Variants in GLI3 observed in about 807,000 individuals in gnomAD.
GLI3 encodes transcription activator GLI3.
In GLI3, 20 loss-of-function variants were observed where a neutral mutation model predicts 100.8. The observed-to-expected ratio is 0.20, with a 90% CI of 0.14 to 0.29. GLI3 has a LOEUF of 0.29. Among genes scored for constraint, GLI3 ranks in the 10% least tolerant of loss-of-function variants. The pLI is 1.00. For missense variants in GLI3, 2,040 were observed against 2,128.5 expected, an observed-to-expected ratio of 0.96 and a Z score of 0.82; for synonymous variants, 938 against 860.5, an observed-to-expected ratio of 1.09 and a Z score of -1.58.
At position 41,966,099 on chromosome 7, in the gene GLI3, G is replaced by A; in HGVS notation, c.2974C>T (p.Leu992=). Reference sequence around the variant, plus strand: ...TGGCCCGGCGCATCGTGCGGCTGCAGGTGGCGCCGCCCGTAGCCGTGGGCT... The same window carrying A: ...TGGCCCGGCGCATCGTGCGGCTGCAAGTGGCGCCGCCCGTAGCCGTGGGCT... ...GGAHGYGRRH[L]QPHDAPGHGV... The change falls in exon 15 of 15, where the codon CTG becomes TTG. Residue 992 remains leucine, a synonymous_variant. Coordinates refer to ENST00000395925, the MANE Select transcript of GLI3 (RefSeq NM_000168.6). This position sits in a 1 kb window ranked among gnomAD's most constrained non-coding sequence, Gnocchi z 5.8. The A allele has an allele frequency of 6.4e-7, 1 of 1,572,138 alleles. No individual in the cohort carries two copies. The highest frequency in any genetic ancestry group is 8.6e-7 in the Non-Finnish European group (1 of 1,164,978).
At chr7:42,055,218 A>C (rs993182566) in intron 4 of GLI3, among the ~76,000 whole-genome samples, 2 of 152,114 alleles carry the variant, frequency 1.3e-5, no homozygotes, top group East Asian at 3.9e-4. Flanking sequence ...ATAAATCTGC[A>C]CAATCCTATA....
intron 2 of GLI3, among the ~76,000 whole-genome samples, chr7:42,183,747 C>T (rs537988737): frequency 2.6e-5 from 4 of 152,272 alleles, no homozygotes; most frequent in African/African-American, 9.6e-5. Flanking sequence ...TTCCTCTCTC[C>T]ACAACATAGG....
chr7:42,091,705 C>T (rs886970232), intron 3 of GLI3, among the ~76,000 whole-genome samples: 1 of 152,210 alleles, frequency 6.6e-6, no homozygotes, highest in Admixed American at 6.5e-5. Context: ...CCCAGGCCAG[C>T]CAGGACTAGC....
At chr7:42,251,055 G>T (rs970653213) in intron 1 of GLI3, among the ~76,000 whole-genome samples, 1 of 152,134 alleles carries the variant, frequency 6.6e-6, no homozygotes, top group Non-Finnish European at 1.5e-5. Context: ...TTCCCAGAAA[G>T]CTTATGCTAA....
At chr7:42,101,423 A>C (rs1328701983) in intron 3 of GLI3, among the ~76,000 whole-genome samples, 2 of 152,102 alleles carry the variant, frequency 1.3e-5, no homozygotes, top group Non-Finnish European at 2.9e-5. Context: ...CAACACGTCA[A>C]GACCTGGTCT....
intron 2 of GLI3, among the ~76,000 whole-genome samples, chr7:42,180,671 C>T (rs942437930): frequency 3.5e-4 from 53 of 152,314 alleles, no homozygotes; most frequent in Non-Finnish European, 4.6e-4. Context: ...GGCACAGACC[C>T]TGGCAGATGA....
At chr7:42,051,695 C>A (rs1784355983) in intron 4 of GLI3, among the ~76,000 whole-genome samples, 1 of 152,070 alleles carries the variant, frequency 6.6e-6, no homozygotes, top group African/African-American at 2.4e-5. Context: ...TTGTTTAGAG[C>A]AATTTAAATT....
intron 4 of GLI3, among the ~76,000 whole-genome samples, chr7:42,055,206 T>C (rs1784435066): frequency 6.6e-6 from 1 of 151,836 alleles, no homozygotes; most frequent in Non-Finnish European, 1.5e-5. Context: ...GTAGACACTG[T>C]CATAAATCTG....
intron 2 of GLI3, among the ~76,000 whole-genome samples, chr7:42,187,043 C>A (rs1276048429): frequency 6.8e-5 from 10 of 146,882 alleles, no homozygotes; most frequent in South Asian, 2.2e-4. Flanking sequence ...GAACCTGTCT[C>A]AAAAAAAAAA....
intron 10 of GLI3, among the ~76,000 whole-genome samples, chr7:42,000,721 A>G (rs548645921): frequency 1.3e-5 from 2 of 152,350 alleles, no homozygotes; most frequent in East Asian, 3.9e-4. Flanking sequence ...GTCTAAACAT[A>G]CAACAGCAGG....
chr7:42,137,896 T>C (rs541148801), intron 3 of GLI3, among the ~76,000 whole-genome samples: 1 of 152,354 alleles, frequency 6.6e-6, no homozygotes, highest in South Asian at 2.1e-4. Flanking sequence ...ATTGTTTGTG[T>C]AGACTTGGAT....
chr7:42,062,261 T>C lies in GLI3; in HGVS notation c.474-13565A>G, dbSNP rs190591691. Among the ~76,000 whole-genome samples the C allele has an allele frequency of 6.9e-4, 105 of 152,352 alleles. 1 individual carries two copies. Among genetic ancestry groups the C allele is most frequent in the African/African-American group, 2.4e-3 (101 of 41,580 alleles). On this transcript the variant is annotated intron_variant, in intron 4 of 14. Transcript: ENST00000395925. Reference sequence around the variant, plus strand: ...ACCATATTCCCCTGTCTGTCATTGCTTAGCTTTGACCATGTTATAAAGTCT... The same window carrying C: ...ACCATATTCCCCTGTCTGTCATTGCCTAGCTTTGACCATGTTATAAAGTCT...
upstream of GLI3, among the ~76,000 whole-genome samples, chr7:42,242,024 G>C (rs1398937415): frequency 6.6e-6 from 1 of 152,126 alleles, no homozygotes; most frequent in South Asian, 2.1e-4. Flanking sequence ...TTTTCTTGAG[G>C]TCTCTCCTTC....
At chr7:42,141,861 G>A (rs1786576049) in intron 3 of GLI3, among the ~76,000 whole-genome samples, 1 of 152,044 alleles carries the variant, frequency 6.6e-6, no homozygotes, top group African/African-American at 2.4e-5. Context: ...CACTCTGATG[G>A]GCAGGCTGTG....
chr7:42,089,582 G>C (rs846311), intron 3 of GLI3, among the ~76,000 whole-genome samples: 40,202 of 152,086 alleles, frequency 0.26, 5,706 homozygotes, highest in Admixed American at 0.37. Context: ...TCAGCACACT[G>C]AATGATGCAT....
At chr7:42,132,961 T>C (rs1464448242) in intron 3 of GLI3, among the ~76,000 whole-genome samples, 2 of 151,918 alleles carry the variant, frequency 1.3e-5, no homozygotes, top group Non-Finnish European at 2.9e-5. Context: ...CTATCAATAA[T>C]CATTTGCTTC....
rs753769482 is a variant in GLI3, at chr7:42,048,496, G to A, written c.674C>T (p.Thr225Ile). 6.2e-6 allele frequency: 10 copies of A among 1,608,646 alleles called. No homozygotes were observed. The East Asian group carries it at 2.0e-4, about 32-fold the overall frequency. The change falls in exon 5 of 15, where the codon ACA becomes ATA. Residue 225 changes from threonine to isoleucine, a missense_variant. By Grantham distance (89) the Thr-to-Ile change is moderately conservative (BLOSUM62 -1). Coordinates refer to ENST00000395925, the MANE Select transcript of GLI3 (RefSeq NM_000168.6). ...MISATRGLSP[T>I]DAPHAGVSPA... ...AGAATCCATCCTGGACTTACCATCT[G>A]TAGGGCTCAGCCCACGGGTTGCTGA...
chr7:42,072,047 G>A (rs1466380993), intron 4 of GLI3, among the ~76,000 whole-genome samples: 1 of 152,194 alleles, frequency 6.6e-6, no homozygotes, highest in Non-Finnish European at 1.5e-5. Context: ...CAGAAAAGCT[G>A]GTTTTCGAAA....
chr7:42,234,136 T>C (rs1562795812), intron 1 of GLI3, among the ~76,000 whole-genome samples: 1 of 152,244 alleles, frequency 6.6e-6, no homozygotes, highest in Non-Finnish European at 1.5e-5. Flanking sequence ...TTGCTAAGGT[T>C]TTCTTGAGGA....
Sources: allele counts gnomAD v4.1 joint callset (sites outside exome capture counted in the v4.1 genomes callset), GRCh38; gene constraint gnomAD v4.1.1; non-coding constraint Gnocchi (gnomAD v3.1); transcripts MANE v1.5; gene names NCBI Gene and HGNC (gene_info 2026-07-23, HGNC 2026-07-21).